The following ITM2C variants were observed in gnomAD, a reference collection of about 807,000 sequenced individuals.
ITM2C encodes the protein integral membrane protein 2C.
A neutral mutation model predicts 30.0 loss-of-function variants in ITM2C; 20 were observed. The ratio of observed to expected loss-of-function variants is 0.67; its 90% confidence interval spans 0.47 to 0.97. The LOEUF (loss-of-function observed/expected upper bound fraction) is 0.97. ITM2C is among the 50% of genes least tolerant of loss of function. The probability of loss-of-function intolerance (pLI) is 0.00; values close to 1 mark genes in which losing one functional copy is unlikely to be tolerated. For missense variants in ITM2C, 366 were observed against 371.9 expected (o/e 0.98, Z 0.13); for synonymous variants, 167 against 156.4 (o/e 1.07, Z -0.51).
chr2:230,877,102 G>A lies in ITM2C; in HGVS notation c.561+135G>A. On this transcript the variant is annotated intron_variant, in intron 4 of 5. Transcript: ENST00000326427. The surrounding 1 kb of genome is among the most constrained non-coding windows in gnomAD (Gnocchi z 4.8). ...AGCAAGAGACATTGCTGGCACCTGG[G>A]CCCTGTACCCAGATTGGTCTCGCCT... 3 of 694,722 alleles carry A rather than the reference G, an allele frequency of 4.3e-6. No individual in the cohort carries two copies. The highest frequency in any genetic ancestry group is 1.7e-5 in the South Asian group (1 of 58,288). 43.0% of individuals were successfully genotyped at this position (694,722 alleles called of 1,614,324 possible). A position where few individuals can be genotyped will look rare whatever the true frequency, so the allele number is the denominator to read the frequency against.
chr2:230,876,878 A>G lies in ITM2C; in HGVS notation c.472A>G (p.Ile158Val). ...CCAGGGTCTGACTGCGTACCATGAT[A>G]TCTCCCTGGACAAGTGCTATGTCAT... ...FQRGLTAYHD[I>V]SLDKCYVIEL... Residue 158 changes from isoleucine (I) to valine (V), a missense_variant, in exon 4 of 6, where the codon ATC (isoleucine) becomes GTC (valine). Physicochemically the swap from Ile to Val is conservative, Grantham distance 29 (BLOSUM62 3). Transcript: ENST00000326427. The G allele has an allele frequency of 1.2e-6, 2 of 1,613,632 alleles. No homozygotes were observed. Among genetic ancestry groups the G allele is most frequent in the Non-Finnish European group, 1.7e-6 (2 of 1,179,658 alleles).
At chr2:230,876,156 A>G (rs866480360) in intron 3 of ITM2C, among the ~76,000 whole-genome samples, 2 of 152,028 alleles carry the variant, frequency 1.3e-5, no homozygotes, top group Non-Finnish European at 2.9e-5. Flanking sequence ...TGTAACCCCC[A>G]TGGGTCCTGA....
At chr2:230,873,082 G>A (rs902136540) in intron 1 of ITM2C, 3 of 234,086 alleles carry the variant, frequency 1.3e-5, no homozygotes, top group Non-Finnish European at 2.4e-5. Context: ...CCACGGTCAC[G>A]GCTGGTATAA....
Position 230,878,916 on chromosome 2 carries a change from C to T in ITM2C, c.*817C>T, listed in dbSNP as rs1327511214. ...CGTGGGTTCTGCTGAGTAGGTGGAG[C>T]TCATTGCTTTCTCCAAGCTTGGAAC... On this transcript the variant is annotated 3_prime_UTR_variant, in exon 6 of 6. Transcript: ENST00000326427. This position sits in a 1 kb window ranked among gnomAD's most constrained non-coding sequence, Gnocchi z 4.5. 1 of 152,424 alleles carries T rather than the reference C, an allele frequency of 6.6e-6. No individual in the cohort carries two copies. The highest frequency in any genetic ancestry group is 2.4e-5 in the African/African-American group (1 of 41,376). The allele number at this position is 152,424 out of a possible 1,614,324, so 9.4% of individuals were successfully genotyped here. A position where few individuals can be genotyped will look rare whatever the true frequency, so the allele number is the denominator to read the frequency against.
At chr2:230,873,910 C>T (rs537552396) in intron 2 of ITM2C, among the ~76,000 whole-genome samples, 13 of 152,222 alleles carry the variant, frequency 8.5e-5, no homozygotes, top group Non-Finnish European at 1.5e-4. Context: ...CTGCAGGTCA[C>T]GCTTTAAGGC....
At chr2:230,869,880 C>T (rs1428313371) in intron 1 of ITM2C, among the ~76,000 whole-genome samples, 2 of 151,988 alleles carry the variant, frequency 1.3e-5, no homozygotes, top group Non-Finnish European at 2.9e-5. Context: ...ATGCGCCCTT[C>T]GCTCAGAGAG....
At chr2:230,870,451 G>T (rs1182077659) in intron 1 of ITM2C, among the ~76,000 whole-genome samples, 4 of 152,242 alleles carry the variant, frequency 2.6e-5, no homozygotes, top group African/African-American at 4.8e-5. Flanking sequence ...AGCTGGGAGG[G>T]TGGCAGCGTG....
In ITM2C at chr2:230,865,090, C is replaced by T; in HGVS notation, c.65C>T (p.Ser22Leu). 5 of 1,527,312 alleles carry T rather than the reference C, an allele frequency of 3.3e-6. No individual in the cohort carries two copies. The highest frequency in any genetic ancestry group is 4.4e-6 in the Non-Finnish European group (5 of 1,133,652). 94.6% of individuals were successfully genotyped at this position (1,527,312 alleles called of 1,614,324 possible). Residue 22 changes from serine to leucine, a missense_variant, in exon 1 of 6, where the codon TCG (serine) becomes TTG (leucine). Transcript: ENST00000326427. This position sits in a 1 kb window ranked among gnomAD's most constrained non-coding sequence, Gnocchi z 6.8. ...GIKGDKADKASASAPAPASAT... is the reference protein window; with the variant it reads ...GIKGDKADKALASAPAPASAT... The stretch of plus-strand genomic sequence containing the variant: ...AAGGGCGACAAGGCTGACAAGGCGT[C>T]GGCGTCGGCCCCTGCGCCGGCCTCG...
rs369924713 is a variant in ITM2C at position 230,865,012 on chromosome 2, G to C, written c.-14G>C. On this transcript the variant is annotated 5_prime_UTR_variant, in exon 1 of 6. Transcript: ENST00000326427. The surrounding 1 kb of genome is among the most constrained non-coding windows in gnomAD (Gnocchi z 6.8). Reference sequence around the variant, plus strand: ...GGCAGAGGCTGCGGGGCGGACGCGCGGGCCGGCGCAGCCATGGTGAAGATT... The same window carrying C: ...GGCAGAGGCTGCGGGGCGGACGCGCCGGCCGGCGCAGCCATGGTGAAGATT... 306 of 1,471,510 alleles carry C rather than the reference G, an allele frequency of 2.1e-4. 1 individual carries two copies. The African/African-American group carries it at 3.8e-3, about 18-fold the overall frequency. 91.2% of individuals were successfully genotyped at this position (1,471,510 alleles called of 1,614,324 possible). A position where few individuals can be genotyped will look rare whatever the true frequency, so the allele number is the denominator to read the frequency against.
At position 230,865,444 on chromosome 2, in the gene ITM2C, G is replaced by A. The variant is rs576013014; in HGVS notation, c.120+299G>A. 1 of 296,036 alleles carries A rather than the reference G, an allele frequency of 3.4e-6. No homozygotes were observed. Among genetic ancestry groups the A allele is most frequent in the East Asian group, 5.5e-5 (1 of 18,338 alleles). 18.3% of individuals were successfully genotyped at this position (296,036 alleles called of 1,614,324 possible). On this transcript the variant is annotated intron_variant, in intron 1 of 5. Transcript: ENST00000326427. The surrounding 1 kb of genome is among the most constrained non-coding windows in gnomAD (Gnocchi z 6.8). ...GGGGGCCCCCTCGCCGCCTTATAGG[G>A]GGAGGGGGCTGGTCCGAAGAAGTTC...
chr2:230,870,800 A>C (rs1472792175), intron 1 of ITM2C, among the ~76,000 whole-genome samples: 1 of 152,026 alleles, frequency 6.6e-6, no homozygotes, highest in East Asian at 1.9e-4. Context: ...TAAAGCTAGC[A>C]GGCCTCACCT....
At chr2:230,874,800 A>G (rs1356245420) in intron 2 of ITM2C, among the ~76,000 whole-genome samples, 2 of 151,802 alleles carry the variant, frequency 1.3e-5, no homozygotes, top group Non-Finnish European at 2.9e-5. Context: ...CCCCCTCCAG[A>G]AGTAAGAGTG....
At chr2:230,864,385 A>T (rs2125010365), upstream of ITM2C, among the ~76,000 whole-genome samples, 1 of 152,260 alleles carries the variant, frequency 6.6e-6, no homozygotes, top group South Asian at 2.1e-4. This position sits in a 1 kb window ranked among gnomAD's most constrained non-coding sequence, Gnocchi z 4.3. Flanking sequence ...AAGATGGAGG[A>T]TGAAGGAGGC....
In ITM2C at chr2:230,875,727, C is replaced by T. The variant is rs762891036; in HGVS notation, c.369C>T (p.Asp123=). 1.6e-5 allele frequency: 26 copies of T among 1,613,374 alleles called. No individual in the cohort carries two copies. The East Asian group carries it at 2.7e-4, about 17-fold the overall frequency. ...AAGAGGATGTGAAAATCTACCTCGA[C>T]GAGAACTACGAGCGCATCAACGTGC... is the stretch of plus-strand genomic sequence containing the variant. ...ELEEDVKIYL[D]ENYERINVPV... Residue 123 remains aspartate (D), a synonymous_variant, in exon 3 of 6, where the codon GAC becomes GAT. Transcript: ENST00000326427.
Position 230,865,914 on chromosome 2 carries a change from C to T in ITM2C, c.120+769C>T, listed in dbSNP as rs893923716. 1 of 152,260 alleles carries T rather than the reference C, an allele frequency of 6.6e-6. No homozygotes were observed. The highest frequency in any genetic ancestry group is 1.9e-4 in the East Asian group (1 of 5,180). The allele number at this position is 152,260 out of a possible 1,614,324, so 9.4% of individuals were successfully genotyped here. A position where few individuals can be genotyped will look rare whatever the true frequency, so the allele number is the denominator to read the frequency against. On this transcript the variant is annotated intron_variant, in intron 1 of 5. Transcript: ENST00000326427. This position sits in a 1 kb window ranked among gnomAD's most constrained non-coding sequence, Gnocchi z 6.8. Reference sequence around the variant, plus strand: ...ACCCCACGGGGAGGGCTCCCAACTGCCCCAGTGCCCTTGCATCCTGGGTCC... The same window carrying T: ...ACCCCACGGGGAGGGCTCCCAACTGTCCCAGTGCCCTTGCATCCTGGGTCC...
In ITM2C at chr2:230,878,335, G is replaced by A. The variant is rs545193391; in HGVS notation, c.*236G>A. The A allele has an allele frequency of 9.4e-6, 3 of 320,702 alleles. No individual in the cohort carries two copies. The highest frequency in any genetic ancestry group is 6.5e-5 in the African/African-American group (3 of 46,154). 19.9% of individuals were successfully genotyped at this position (320,702 alleles called of 1,614,324 possible). On this transcript the variant is annotated 3_prime_UTR_variant, in exon 6 of 6. Transcript: ENST00000326427. The surrounding 1 kb of genome is among the most constrained non-coding windows in gnomAD (Gnocchi z 4.5). ...GCGGAGGGAGAGGCGATGCTGCAAA[G>A]TGTTTTCTGTGTCCCACTGTCTTGA...
intron 1 of ITM2C, among the ~76,000 whole-genome samples, chr2:230,871,967 G>A (rs1697176856): frequency 6.6e-6 from 1 of 152,256 alleles, no homozygotes; most frequent in Non-Finnish European, 1.5e-5. Context: ...GAGAGATAGG[G>A]CCTGTCCTGA....
chr2:230,870,606 A>G (rs1697140840), intron 1 of ITM2C, among the ~76,000 whole-genome samples: 1 of 152,142 alleles, frequency 6.6e-6, no homozygotes, highest in Non-Finnish European at 1.5e-5. Flanking sequence ...CACACCTGCC[A>G]CTGCTGCTCT....
chr2:230,869,437 C>T (rs1697109368), intron 1 of ITM2C, among the ~76,000 whole-genome samples: 1 of 152,188 alleles, frequency 6.6e-6, no homozygotes, highest in Admixed American at 6.5e-5. Flanking sequence ...GTCTTGAACA[C>T]ATACAAGACA....
Sources: gnomAD v4.1 joint callset for allele counts (sites outside exome capture counted in the v4.1 genomes callset) on GRCh38, gnomAD v4.1.1 for gene constraint, Gnocchi (gnomAD v3.1) non-coding constraint, MANE v1.5 for transcripts, NCBI Gene and HGNC (gene_info 2026-07-23, HGNC 2026-07-21) for gene names.